CYP2J2: variants seen among roughly 807,000 people sequenced by gnomAD.
CYP2J2 encodes the protein cytochrome P450 2J2.
In CYP2J2, 41 loss-of-function variants were observed where a neutral mutation model predicts 48.8. The observed-to-expected ratio is 0.84, with a 90% CI of 0.66 to 1.09. The LOEUF (loss-of-function observed/expected upper bound fraction) is 1.09. Ranked by LOEUF, CYP2J2 falls within the 50% of genes least tolerant of loss-of-function variation. The pLI is 0.00. For synonymous variants in CYP2J2, 221 were observed against 227.1 expected, an observed-to-expected ratio of 0.97 and a Z score of 0.24; for missense variants, 644 against 617.3, an observed-to-expected ratio of 1.04 and a Z score of -0.46.
chr1:59,962,730 G>A, the CYP2J2 span, among the ~76,000 whole-genome samples: 2 of 152,160 alleles, frequency 1.3e-5, no homozygotes, highest in African/African-American at 4.8e-5. Context: ...CAACTAAATG[G>A]CAGAGGTGGG....
intron 8 of CYP2J2, among the ~76,000 whole-genome samples, chr1:59,896,628 A>C (rs1644271816): frequency 1.3e-5 from 2 of 150,504 alleles, no homozygotes; most frequent in African/African-American, 4.9e-5. Context: ...AGCTTCCACC[A>C]CCCCCTCCCC....
the CYP2J2 span, among the ~76,000 whole-genome samples, chr1:59,941,624 T>C: frequency 2.6e-5 from 4 of 152,316 alleles, no homozygotes; most frequent in African/African-American, 9.6e-5. Context: ...TGCATTGTTA[T>C]TGCCCTGAAG....
chr1:59,955,283 T>TATATATCC, the CYP2J2 span, among the ~76,000 whole-genome samples: 4 of 107,480 alleles, frequency 3.7e-5, no homozygotes, highest in Non-Finnish European at 7.1e-5. Context: ...TATATCCATA[T>TATATATCC]ATATATATCC....
intron 8 of CYP2J2, among the ~76,000 whole-genome samples, chr1:59,898,053 C>T (rs1200272332): frequency 6.6e-6 from 1 of 152,166 alleles, no homozygotes; most frequent in East Asian, 1.9e-4. Context: ...AAATTTTTTG[C>T]CTTCTATGAA....
At chr1:59,953,328 G>C in the CYP2J2 span, among the ~76,000 whole-genome samples, 1 of 152,098 alleles carries the variant, frequency 6.6e-6, no homozygotes, top group Non-Finnish European at 1.5e-5. Context: ...CTCTGTGCTA[G>C]ATACTGTTCT....
intron 7 of CYP2J2, among the ~76,000 whole-genome samples, chr1:59,902,017 C>T (rs989751234): frequency 6.6e-6 from 1 of 152,232 alleles, no homozygotes; most frequent in African/African-American, 2.4e-5. Context: ...CTCTCCCCCT[C>T]TGCCTGCACT....
chr1:59,947,781 T>A, the CYP2J2 span, among the ~76,000 whole-genome samples: 1 of 152,170 alleles, frequency 6.6e-6, no homozygotes, highest in South Asian at 2.1e-4. Flanking sequence ...TCTAAGGGCA[T>A]CTTTATTTCC....
chr1:59,967,698 G>A, the CYP2J2 span, among the ~76,000 whole-genome samples: 12 of 152,220 alleles, frequency 7.9e-5, no homozygotes, highest in Non-Finnish European at 1.3e-4. Context: ...TTATGGGAGC[G>A]CAGCTCATTT....
At chr1:59,922,669 A>G (rs978545494) in intron 1 of CYP2J2, among the ~76,000 whole-genome samples, 3 of 152,180 alleles carry the variant, frequency 2.0e-5, no homozygotes, top group Non-Finnish European at 2.9e-5. Flanking sequence ...TTCTTATTCC[A>G]GATAAGGTTG....
chr1:59,910,056 T>C, intron 4 of CYP2J2, 96 bp from the exon 5 acceptor site: 1 of 964,286 alleles, frequency 1.0e-6, no homozygotes, highest in Non-Finnish European at 1.6e-6. Context: ...GTCTCTTTTA[T>C]TTGCTCACAC....
At chr1:59,941,562 A>T in the CYP2J2 span, among the ~76,000 whole-genome samples, 273 of 152,296 alleles carry the variant, frequency 1.8e-3, 1 homozygote, top group African/African-American at 6.3e-3. Context: ...AAATAGTCCC[A>T]GGCAGGTCTT....
the CYP2J2 span, among the ~76,000 whole-genome samples, chr1:59,938,247 T>A: frequency 6.6e-6 from 1 of 152,122 alleles, no homozygotes; most frequent in African/African-American, 2.4e-5. Flanking sequence ...AGAGACAAAG[T>A]ATGGAGAAAG....
At chr1:59,945,444 CTCTA>C in the CYP2J2 span, among the ~76,000 whole-genome samples, 30 of 140,046 alleles carry the variant, frequency 2.1e-4, no homozygotes, top group Middle Eastern at 3.6e-3. Context: ...CTATCTATCT[CTCTA>C]TCTATCTATG....
the CYP2J2 span, among the ~76,000 whole-genome samples, chr1:59,955,293 CATAT>C: frequency 4.0e-5 from 4 of 98,780 alleles, no homozygotes; most frequent in Admixed American, 2.9e-4. Context: ...TATATATATC[CATAT>C]ATATATATCC....
At chr1:59,908,013 G>A in intron 5 of CYP2J2, 86 bp from the exon 6 acceptor site, 1 of 1,355,868 alleles carries the variant, frequency 7.4e-7, no homozygotes, top group African/African-American at 1.5e-5. Flanking sequence ...CATCCTAGGA[G>A]GACATTTGGA....
At chr1:59,948,165 G>T in the CYP2J2 span, among the ~76,000 whole-genome samples, 11,153 of 152,180 alleles carry the variant, frequency 0.073, 438 homozygotes, top group Middle Eastern at 0.1. Context: ...ATTTCAAGAG[G>T]TTTAAATAAT....
At chr1:59,931,124 C>A (rs375302915), upstream of CYP2J2, among the ~76,000 whole-genome samples, 2 of 152,026 alleles carry the variant, frequency 1.3e-5, no homozygotes, top group African/African-American at 4.8e-5. Flanking sequence ...AACTTTTACT[C>A]CTAAAATTAG....
the CYP2J2 span, among the ~76,000 whole-genome samples, chr1:59,962,538 TCAAA>T: frequency 2.5e-4 from 38 of 151,702 alleles, no homozygotes; most frequent in Admixed American, 2.3e-3. Context: ...AGATTGAAAA[TCAAA>T]CAAACAGAGA....
chr1:59,922,728 C>T (rs543364185), intron 1 of CYP2J2, among the ~76,000 whole-genome samples: 2 of 152,292 alleles, frequency 1.3e-5, no homozygotes, highest in African/African-American at 4.8e-5. Context: ...CCAATTAACA[C>T]AGACAAAAAT....
Sources: allele counts gnomAD v4.1 joint callset (sites outside exome capture counted in the v4.1 genomes callset), GRCh38; gene constraint gnomAD v4.1.1; transcripts MANE v1.5; gene names NCBI Gene and HGNC (gene_info 2026-07-23, HGNC 2026-07-21).